The following DMD variants were observed in gnomAD, a reference collection of about 807,000 sequenced individuals.
DMD encodes the protein mutant dystrophin.
Under a neutral mutation model 330.1 loss-of-function variants are expected in DMD, and 63 were observed. The ratio of observed to expected loss-of-function variants is 0.19; its 90% CI spans 0.16 to 0.24. DMD has a LOEUF of 0.24. DMD is among the 10% of genes least tolerant of loss of function. The pLI is 1.00. For missense variants in DMD, 3,344 were observed against 2,684.1 expected (o/e 1.25, Z -5.43); for synonymous variants, 1,223 against 959.8 (o/e 1.27, Z -5.07).
At chrX:33,173,883 A>G (rs1342161101) in intron 1 of DMD, among the ~76,000 whole-genome samples, 1 of 110,101 alleles carries the variant, frequency 9.1e-6, no homozygotes. Context: ...GATAAAATTC[A>G]AGACACTGTG....
chrX:31,693,061 A>C, intron 52 of DMD, among the ~76,000 whole-genome samples: 1 of 112,135 alleles, frequency 8.9e-6, no homozygotes, highest in Admixed American at 9.5e-5. Context: ...ATAGTTTATT[A>C]GAAGGATTAT....
At chrX:32,046,952 TACATA>T (rs1267516152) in intron 44 of DMD, among the ~76,000 whole-genome samples, 1 of 111,639 alleles carries the variant, frequency 9.0e-6, no homozygotes, top group Non-Finnish European at 1.9e-5. Context: ...CTTTGTTTTT[TACATA>T]CTATGACAAA....
intron 54 of DMD, among the ~76,000 whole-genome samples, chrX:31,636,485 C>T (rs1307152479): frequency 9.0e-6 from 1 of 111,512 alleles, no homozygotes; most frequent in Non-Finnish European, 1.9e-5. Flanking sequence ...CTTGATGAGG[C>T]TAATGAGGCA....
At chrX:32,900,335 C>T (rs911800760) in intron 2 of DMD, among the ~76,000 whole-genome samples, 1 of 110,472 alleles carries the variant, frequency 9.1e-6, no homozygotes, top group Admixed American at 9.7e-5. Flanking sequence ...GAGTATTAGT[C>T]ATATTCTAGT....
chrX:31,951,122 C>CATATATATATATATATATATGTGTAT (rs767693982), intron 45 of DMD, among the ~76,000 whole-genome samples: 1 of 65,373 alleles, frequency 1.5e-5, no homozygotes, highest in African/African-American at 6.9e-5. Context: ...TATATATATA[C>CATATATATATATATATATATGTGTAT]ATATATATAT....
intron 2 of DMD, among the ~76,000 whole-genome samples, chrX:32,926,844 A>G (rs1423259490): frequency 9.0e-6 from 1 of 110,838 alleles, no homozygotes; most frequent in South Asian, 3.8e-4. Flanking sequence ...ATTCATATAT[A>G]TATATTCAAA....
intron 55 of DMD, among the ~76,000 whole-genome samples, chrX:31,555,016 G>A (rs980607766): frequency 8.9e-6 from 1 of 111,798 alleles, no homozygotes; most frequent in Non-Finnish European, 1.9e-5. Flanking sequence ...GCCATTTGAT[G>A]GAGGGCCAGA....
intron 7 of DMD, among the ~76,000 whole-genome samples, chrX:32,799,225 T>C (rs977388224): frequency 9.0e-6 from 1 of 110,820 alleles, no homozygotes; most frequent in Non-Finnish European, 1.9e-5. Context: ...AAGCAGAAAA[T>C]AGAATCCGTG....
At chrX:33,029,525 G>A (rs1212235054) in intron 1 of DMD, among the ~76,000 whole-genome samples, 2 of 111,705 alleles carry the variant, frequency 1.8e-5, no homozygotes, top group Non-Finnish European at 3.8e-5. Context: ...GTAGGGAGTT[G>A]TTGGACTCAG....
At chrX:32,808,760 G>T (rs1005633666) in intron 7 of DMD, among the ~76,000 whole-genome samples, 2 of 111,794 alleles carry the variant, frequency 1.8e-5, no homozygotes, top group Non-Finnish European at 3.8e-5. Context: ...TGATTTTAGA[G>T]TGTAGTAAAG....
chrX:32,905,322 A>G (rs1231064619), intron 2 of DMD, among the ~76,000 whole-genome samples: 1 of 112,148 alleles, frequency 8.9e-6, no homozygotes, highest in African/African-American at 3.2e-5. Context: ...TAATCCCCTT[A>G]GCAAAGAATC....
At chrX:31,156,093 A>G (rs1205819253) in intron 74 of DMD, among the ~76,000 whole-genome samples, 1 of 111,897 alleles carries the variant, frequency 8.9e-6, no homozygotes, top group East Asian at 2.8e-4. Flanking sequence ...AAAGACATTA[A>G]TAAGGATAAG....
At chrX:31,975,087 T>G (rs1478275598) in intron 44 of DMD, among the ~76,000 whole-genome samples, 3 of 110,306 alleles carry the variant, frequency 2.7e-5, no homozygotes, top group Non-Finnish European at 5.7e-5. Context: ...CAAGCAGAGA[T>G]TCAATACAGT....
chrX:31,849,447 G>T (rs1478308875), intron 48 of DMD, among the ~76,000 whole-genome samples: 1 of 110,843 alleles, frequency 9.0e-6, no homozygotes, highest in South Asian at 3.8e-4. Context: ...GCTGGGAGCA[G>T]AAACAGCTCA....
At chrX:32,606,609 G>A (rs1273890522) in intron 12 of DMD, among the ~76,000 whole-genome samples, 1 of 109,022 alleles carries the variant, frequency 9.2e-6, no homozygotes, top group East Asian at 2.9e-4. Context: ...ACCTGCAGTT[G>A]TATGTTTATC....
At chrX:33,109,469 A>G (rs772598991) in intron 1 of DMD, among the ~76,000 whole-genome samples, 8 of 112,043 alleles carry the variant, frequency 7.1e-5, no homozygotes, top group African/African-American at 2.3e-4. Flanking sequence ...GGAAATTCAC[A>G]TTGACATTTC....
intron 29 of DMD, among the ~76,000 whole-genome samples, chrX:32,417,887 C>T (rs2098172307): frequency 9.3e-6 from 1 of 107,566 alleles, no homozygotes. Context: ...TAACAGGAGA[C>T]ATTTGCCTAT....
At chrX:32,849,578 A>G in intron 3 of DMD, 150 bp downstream of exon 3, 2 of 441,785 alleles carry the variant, frequency 4.5e-6, no homozygotes, top group Non-Finnish European at 8.0e-6. Flanking sequence ...CCAAATGAAA[A>G]TCATACGAGG....
chrX:32,646,853 G>T (rs1485531081), intron 9 of DMD, among the ~76,000 whole-genome samples: 2 of 111,408 alleles, frequency 1.8e-5, no homozygotes, highest in South Asian at 3.8e-4. Flanking sequence ...AGGTCATCCT[G>T]GTAAGTCAAA....
Sources: gnomAD v4.1 joint callset for allele counts (sites outside exome capture counted in the v4.1 genomes callset) on GRCh38, gnomAD v4.1.1 for gene constraint, MANE v1.5 for transcripts, NCBI Gene and HGNC (gene_info 2026-07-23, HGNC 2026-07-21) for gene names.